Variants in DHX34 observed in about 807,000 individuals in gnomAD.
The protein encoded by DHX34 is DExH-box helicase 34.
In DHX34, 96 loss-of-function variants were observed where a neutral mutation model predicts 111.1. The observed-to-expected ratio is 0.86, with a 90% confidence interval of 0.73 to 1.02. The LOEUF (loss-of-function observed/expected upper bound fraction) is 1.02, where lower values mean the gene tolerates loss of function less well. Ranked by LOEUF, DHX34 falls within the 50% of genes least tolerant of loss-of-function variation. DHX34 has a pLI of 0.00. For missense variants in DHX34, 1,560 were observed against 1,579.9 expected (o/e 0.99, Z 0.21); for synonymous variants, 688 against 670.4 (o/e 1.03, Z -0.41).
intron 6 of DHX34, among the ~76,000 whole-genome samples, chr19:47,364,447 T>C (rs758840569): frequency 4.6e-5 from 7 of 151,700 alleles, no homozygotes; most frequent in Non-Finnish European, 1.0e-4. Flanking sequence ...AAAAAAAAAA[T>C]ACTAGTGCTG....
rs1970331057 is a variant in DHX34, at chr19:47,380,880, C to A, written c.3047C>A (p.Thr1016Asn). Residue 1016 changes from threonine (T) to asparagine (N), a missense_variant, in exon 15 of 17, where the codon ACC becomes AAC. Physicochemically the swap from Thr to Asn is moderately conservative, Grantham distance 65. Transcript: ENST00000328771. ...EVQNMYVGPQTIPATPHLPGL... is the reference protein window; with the variant it reads ...EVQNMYVGPQNIPATPHLPGL... Reference sequence around the variant, plus strand: ...CAGAACATGTATGTGGGACCCCAGACCATCCCAGCCACCCCCCATCTTCCT... The same window carrying A: ...CAGAACATGTATGTGGGACCCCAGAACATCCCAGCCACCCCCCATCTTCCT... 3.1e-6 allele frequency: 5 copies of A among 1,613,948 alleles called. No homozygotes were observed. Among genetic ancestry groups the A allele is most frequent in the Non-Finnish European group, 4.2e-6 (5 of 1,179,918 alleles).
intron 7 of DHX34, 141 bp downstream of exon 7, chr19:47,367,296 G>A (rs565808584): frequency 9.3e-6 from 9 of 968,616 alleles, no homozygotes; most frequent in Non-Finnish European, 1.3e-5. Flanking sequence ...GCCAGGCACT[G>A]TTCTAGGTGC....
chr19:47,353,412 G>A lies in DHX34; in HGVS notation c.382G>A (p.Glu128Lys), dbSNP rs771440692. ...GGGACTGGGCAGGCACTTGCCCGCGGAGAGAGTGGCTGAGTTCCGCCGAGC... is the reference window on the plus strand; with the variant it reads ...GGGACTGGGCAGGCACTTGCCCGCGAAGAGAGTGGCTGAGTTCCGCCGAGC... ...SQGLGRHLPA[E>K]RVAEFRRALL... Residue 128 changes from glutamate to lysine, a missense_variant, in exon 2 of 17, where the codon GAG (glutamate) becomes AAG (lysine). Glu to Lys is a moderately conservative substitution (Grantham distance 56, BLOSUM62 1). Coordinates refer to ENST00000328771, the MANE Select transcript of DHX34 (RefSeq NM_014681.6). This position sits in a 1 kb window ranked among gnomAD's most constrained non-coding sequence, Gnocchi z 4.6. The A allele has an allele frequency of 3.1e-6, 5 of 1,614,204 alleles. No individual in the cohort carries two copies. In the East Asian group the frequency reaches 1.1e-4, roughly 36 times the overall value.
At chr19:47,379,238 G>A (rs944438180) in intron 13 of DHX34, among the ~76,000 whole-genome samples, 11 of 152,102 alleles carry the variant, frequency 7.2e-5, no homozygotes, top group Non-Finnish European at 1.5e-4. Context: ...ACCATCCCCG[G>A]TCCCCAAACC....
rs865980904 is a variant in DHX34, at chr19:47,355,334, G to A, written c.1001G>A (p.Arg334Lys). Residue 334 changes from arginine to lysine, a missense_variant, in exon 3 of 17, where the codon AGG (arginine) becomes AAG (lysine). Arg to Lys is a conservative substitution (Grantham distance 26, BLOSUM62 2). Coordinates refer to ENST00000328771, the MANE Select transcript of DHX34 (RefSeq NM_014681.6). ...SNAPVVQVPG[R>K]LFPITVVYQP... ...GCCCCTGTGGTACAGGTGCCTGGGA[G>A]GCTGTTCCCCATCACGGTGAGTACT... 1.2e-5 allele frequency: 19 copies of A among 1,613,054 alleles called. No individual in the cohort carries two copies. The highest frequency in any genetic ancestry group is 3.3e-4 in the Middle Eastern group (2 of 6,082).
intron 7 of DHX34, among the ~76,000 whole-genome samples, chr19:47,368,506 A>C (rs192509956): frequency 0.01 from 1,542 of 149,746 alleles, 24 homozygotes; most frequent in African/African-American, 0.027. Context: ...GGGTTTCTCT[A>C]TGTTGGTCAG....
rs760707762 is a variant in DHX34 at position 47,381,171 on chromosome 19, G to A, written c.3160-15G>A. 2.6e-5 allele frequency: 42 copies of A among 1,612,208 alleles called. No homozygotes were observed. The Admixed American group carries it at 7.0e-4, about 27-fold the overall frequency. ...ACTTGGCGGGGGCCCAGCCCTGACA[G>A]CTGGCCTGCCACAGAATGACACAGA... On this transcript the variant is annotated splice_polypyrimidine_tract_variant and intron_variant, in intron 15 of 16. Coordinates refer to ENST00000328771, the MANE Select transcript of DHX34 (RefSeq NM_014681.6).
At chr19:47,374,841 C>T (rs1460319385) in intron 9 of DHX34, among the ~76,000 whole-genome samples, 1 of 152,204 alleles carries the variant, frequency 6.6e-6, no homozygotes, top group Non-Finnish European at 1.5e-5. Flanking sequence ...TGCACACATA[C>T]AGACACACAT....
rs1264112315 is a variant in DHX34 at position 47,375,533 on chromosome 19, G to T, written c.2132G>T (p.Arg711Leu). The T allele has an allele frequency of 2.6e-6, 4 of 1,561,708 alleles. No homozygotes were observed. In the South Asian group the frequency reaches 4.6e-5, roughly 18 times the overall value. The change falls in exon 10 of 17, where the codon CGG becomes CTG. Residue 711 changes from arginine (R) to leucine (L), a missense_variant. Coordinates refer to ENST00000328771, the MANE Select transcript of DHX34 (RefSeq NM_014681.6). The stretch of plus-strand genomic sequence containing the variant: ...GCGCAGGTAGGGGACAGCTACAGTC[G>T]GTTGCAGCAGCGCCGGGAGCGCCGG... ...QAAQVGDSYS[R>L]LQQRRERRAL... is the part of the protein sequence containing the mutation.
chr19:47,382,129 C>T lies in DHX34; in HGVS notation c.*16C>T. ...GCACGTGTGAGCTGGGCCAGGAGCC[C>T]TGCCCACCTCCGTGCAGCTGACCTG... On this transcript the variant is annotated 3_prime_UTR_variant, in exon 17 of 17. Transcript: ENST00000328771. 6.2e-7 allele frequency: 1 copy of T among 1,613,090 alleles called. No homozygotes were observed. Among genetic ancestry groups the T allele is most frequent in the South Asian group, 1.1e-5 (1 of 91,048 alleles).
chr19:47,357,335 A>G (rs1028894796), intron 3 of DHX34, among the ~76,000 whole-genome samples: 4 of 152,240 alleles, frequency 2.6e-5, no homozygotes, highest in Non-Finnish European at 4.4e-5. Flanking sequence ...ACCCAGGTTT[A>G]GAAAAGTCAA....
chr19:47,352,689 A>G (rs1482829993), intron 1 of DHX34, 65 bp from the exon 2 acceptor site: 3 of 250,178 alleles, frequency 1.2e-5, no homozygotes, highest in African/African-American at 6.8e-5. Flanking sequence ...AGAAAAAAAC[A>G]AAACAAAACC....
rs1048178881 is a variant in DHX34, at chr19:47,382,581, C to G, written c.*468C>G. 1 of 158,406 alleles carries G rather than the reference C, an allele frequency of 6.3e-6. No individual in the cohort carries two copies. The highest frequency in any genetic ancestry group is 2.4e-5 in the African/African-American group (1 of 41,518). The allele number at this position is 158,406 out of a possible 1,614,324, so 9.8% of individuals were successfully genotyped here. ...GAGTTGTGCAGGGGGGCTGGGAGCA[C>G]TGGTGTTCACGTGGGACCACAGGCT... On this transcript the variant is annotated 3_prime_UTR_variant, in exon 17 of 17. Transcript: ENST00000328771.
At chr19:47,350,678 C>T (rs1207585371) in intron 1 of DHX34, among the ~76,000 whole-genome samples, 1 of 152,074 alleles carries the variant, frequency 6.6e-6, no homozygotes, top group African/African-American at 2.4e-5. Flanking sequence ...CCTCAGCCTC[C>T]CAAAGTGCTG....
At chr19:47,368,683 T>TAC (rs1330616029) in intron 7 of DHX34, among the ~76,000 whole-genome samples, 3 of 149,172 alleles carry the variant, frequency 2.0e-5, no homozygotes, top group Non-Finnish European at 3.0e-5. Flanking sequence ...TATATATACA[T>TAC]ACACACATAT....
At chr19:47,351,969 AT>A (rs1229672760) in intron 1 of DHX34, among the ~76,000 whole-genome samples, 2 of 152,140 alleles carry the variant, frequency 1.3e-5, no homozygotes, top group Non-Finnish European at 2.9e-5. Context: ...CACTTGCAAA[AT>A]TTTGCCTTTT....
intron 7 of DHX34, 89 bp from the exon 8 acceptor site, chr19:47,372,641 C>T: frequency 1.6e-6 from 2 of 1,281,746 alleles, no homozygotes; most frequent in South Asian, 3.2e-5. Flanking sequence ...AGCAGGAGGG[C>T]AGGCGGGAGG....
intron 5 of DHX34, among the ~76,000 whole-genome samples, chr19:47,360,363 G>A (rs1378770421): frequency 2.0e-5 from 3 of 152,022 alleles, no homozygotes; most frequent in East Asian, 1.9e-4. Context: ...TCAGATTTTC[G>A]AGCATTTCAG....
chr19:47,355,696 A>G (rs1969436539), intron 3 of DHX34, among the ~76,000 whole-genome samples: 1 of 151,948 alleles, frequency 6.6e-6, no homozygotes, highest in Non-Finnish European at 1.5e-5. Flanking sequence ...AAAACACAAA[A>G]ACAAAATTAC....
Sources: gnomAD v4.1 joint callset for allele counts (sites outside exome capture counted in the v4.1 genomes callset) on GRCh38, gnomAD v4.1.1 for gene constraint, Gnocchi (gnomAD v3.1) non-coding constraint, MANE v1.5 for transcripts, NCBI Gene and HGNC (gene_info 2026-07-23, HGNC 2026-07-21) for gene names.